The following NKAIN3 variants were observed in gnomAD, a reference collection of about 807,000 sequenced individuals.
NKAIN3 encodes the protein sodium/potassium transporting ATPase interacting 3.
A neutral mutation model predicts 30.2 loss-of-function variants in NKAIN3; 25 were observed. That is an observed-to-expected ratio of 0.83 (90% confidence interval 0.60 to 1.16). The LOEUF (loss-of-function observed/expected upper bound fraction) is 1.16. Among genes scored for constraint, NKAIN3 ranks in the 50% most tolerant of loss-of-function variants. NKAIN3 has a pLI of 0.00. For synonymous variants in NKAIN3, 91 were observed against 89.6 expected (o/e 1.02, Z -0.09); for missense variants, 225 against 254.1 (o/e 0.89, Z 0.78).
intron 4 of NKAIN3, among the ~76,000 whole-genome samples, chr8:62,804,552 C>G (rs189173777): frequency 0.02 from 2,997 of 152,218 alleles, 99 homozygotes; most frequent in African/African-American, 0.068. Flanking sequence ...ACAAAAACCA[C>G]ACGATTATCT....
chr8:62,406,328 A>G (rs778296256), intron 1 of NKAIN3, among the ~76,000 whole-genome samples: 3 of 152,202 alleles, frequency 2.0e-5, no homozygotes, highest in African/African-American at 4.8e-5. Context: ...AATATGAACT[A>G]TGTATGTAAG....
chr8:62,994,773 C>A (rs1046256642), intron 5 of NKAIN3, among the ~76,000 whole-genome samples: 1 of 152,154 alleles, frequency 6.6e-6, no homozygotes. Context: ...CAGGTGTCAT[C>A]TTAGGAAAAT....
intron 3 of NKAIN3, among the ~76,000 whole-genome samples, chr8:62,728,438 G>A (rs1481786129): frequency 2.0e-5 from 3 of 152,070 alleles, no homozygotes; most frequent in South Asian, 2.1e-4. Flanking sequence ...CGAGGTGGGC[G>A]GATCACCTGA....
At chr8:62,333,865 G>C (rs1815439035) in intron 1 of NKAIN3, among the ~76,000 whole-genome samples, 2 of 152,044 alleles carry the variant, frequency 1.3e-5, no homozygotes, top group Admixed American at 6.6e-5. Context: ...CTGCTGGCAA[G>C]TAGTGGCATT....
At chr8:62,939,570 A>G (rs1320427802) in intron 5 of NKAIN3, among the ~76,000 whole-genome samples, 1 of 152,224 alleles carries the variant, frequency 6.6e-6, no homozygotes, top group Non-Finnish European at 1.5e-5. Context: ...CAGAAACCCT[A>G]CAAGCTAGAA....
At chr8:62,568,300 T>C (rs1383897870) in intron 1 of NKAIN3, among the ~76,000 whole-genome samples, 14 of 152,214 alleles carry the variant, frequency 9.2e-5, no homozygotes, top group Admixed American at 8.5e-4. Flanking sequence ...TAGTTGATCA[T>C]TCTGAGTATC....
chr8:62,929,301 G>C (rs770199609), intron 5 of NKAIN3, among the ~76,000 whole-genome samples: 18 of 152,170 alleles, frequency 1.2e-4, no homozygotes, highest in Non-Finnish European at 2.6e-4. Context: ...TGAGCAGGAG[G>C]GCTCTGTGAA....
chr8:62,413,621 C>T (rs1804335011), intron 1 of NKAIN3, among the ~76,000 whole-genome samples: 1 of 152,106 alleles, frequency 6.6e-6, no homozygotes, highest in South Asian at 2.1e-4. Flanking sequence ...ATTTAAATCT[C>T]TAAACACATT....
At chr8:62,620,630 A>G (rs1201651443) in intron 3 of NKAIN3, among the ~76,000 whole-genome samples, 1 of 152,174 alleles carries the variant, frequency 6.6e-6, no homozygotes, top group African/African-American at 2.4e-5. Flanking sequence ...TTTATGCTAC[A>G]TCTAACACAA....
intron 1 of NKAIN3, among the ~76,000 whole-genome samples, chr8:62,331,657 T>G (rs1815362912): frequency 6.6e-6 from 1 of 152,128 alleles, no homozygotes. Context: ...TTATCTGGTA[T>G]AGGAAAATTT....
chr8:62,519,717 T>G (rs1808096328), intron 1 of NKAIN3, among the ~76,000 whole-genome samples: 1 of 152,174 alleles, frequency 6.6e-6, no homozygotes, highest in Non-Finnish European at 1.5e-5. Context: ...AGTTAACATA[T>G]AAAAACATCA....
At chr8:62,663,834 G>A (rs186402327) in intron 3 of NKAIN3, among the ~76,000 whole-genome samples, 20 of 152,260 alleles carry the variant, frequency 1.3e-4, no homozygotes, top group Admixed American at 2.0e-4. Flanking sequence ...GCAACAGTGC[G>A]TGATGCCCAG....
chr8:62,460,110 C>T (rs1805944313), intron 1 of NKAIN3, among the ~76,000 whole-genome samples: 1 of 152,106 alleles, frequency 6.6e-6, no homozygotes, highest in African/African-American at 2.4e-5. Flanking sequence ...TCTCCTCCAT[C>T]AAAGCAATAA....
chr8:62,748,811 T>A (rs558646072), intron 4 of NKAIN3, among the ~76,000 whole-genome samples: 115 of 152,336 alleles, frequency 7.5e-4, no homozygotes, highest in Non-Finnish European at 1.3e-3. Flanking sequence ...ACAGGGAATC[T>A]GATCATTCTA....
chr8:62,955,725 C>G (rs572628454), intron 6 of NKAIN3, among the ~76,000 whole-genome samples: 1 of 152,244 alleles, frequency 6.6e-6, no homozygotes, highest in East Asian at 1.9e-4. Flanking sequence ...GTGGCATGGC[C>G]CAGAGGCAAG....
intron 1 of NKAIN3, among the ~76,000 whole-genome samples, chr8:62,407,438 A>C (rs549546729): frequency 1.7e-3 from 166 of 95,910 alleles, no homozygotes; most frequent in African/African-American, 6.6e-3. Context: ...GTCTCGTGTC[A>C]CCGGGCTGGA....
intron 4 of NKAIN3, among the ~76,000 whole-genome samples, chr8:62,796,383 CAAAAAAAAAAAAAAA>C (rs71255362): frequency 2.4e-4 from 13 of 53,740 alleles, no homozygotes; most frequent in African/African-American, 9.3e-4. Flanking sequence ...GACTCTGTCT[CAAAAAAAAAAAAAAA>C]AAAAAAAAAA....
At chr8:62,518,437 C>T (rs1302021831) in intron 1 of NKAIN3, among the ~76,000 whole-genome samples, 1 of 152,116 alleles carries the variant, frequency 6.6e-6, no homozygotes, top group Admixed American at 6.6e-5. Context: ...TAGTTAATCT[C>T]TCTGTGTATC....
At position 62,978,380 on chromosome 8, in the gene NKAIN3, A is replaced by G. The variant is rs1432117701; in HGVS notation, c.*12973A>G. 1 of 152,350 alleles carries G rather than the reference A, an allele frequency of 6.6e-6. No homozygotes were observed. Among genetic ancestry groups the G allele is most frequent in the Non-Finnish European group, 1.5e-5 (1 of 68,146 alleles). The allele number at this position is 152,350 out of a possible 1,614,324, so 9.4% of individuals were successfully genotyped here. A position where few individuals can be genotyped will look rare whatever the true frequency, so the allele number is the denominator to read the frequency against. ...GAGTTTTATCTATAAGCCCCTGACT[A>G]GGGCTACTGGCTTTCTTTCAGAGAT... On this transcript the variant is annotated 3_prime_UTR_variant, in exon 7 of 7. Transcript: ENST00000623646.
Sources: gnomAD v4.1 joint callset for allele counts (sites outside exome capture counted in the v4.1 genomes callset) on GRCh38, gnomAD v4.1.1 for gene constraint, MANE v1.5 for transcripts, NCBI Gene and HGNC (gene_info 2026-07-23, HGNC 2026-07-21) for gene names.